The following PPP1R36 variants were observed in gnomAD, a reference collection of about 807,000 sequenced individuals.
The protein encoded by PPP1R36 is protein phosphatase 1 regulatory subunit 36, also known as chromosome 14 open reading frame 50.
PPP1R36 carries 47 observed loss-of-function variants against 53.4 expected under a neutral mutation model. That is an observed-to-expected ratio of 0.88 (90% CI 0.70 to 1.12). PPP1R36 has a LOEUF of 1.12. Among genes scored for constraint, PPP1R36 ranks in the 50% most tolerant of loss-of-function variants. The probability of loss-of-function intolerance (pLI) is 0.00; values close to 1 mark genes in which losing one functional copy is unlikely to be tolerated. For synonymous variants in PPP1R36, 153 were observed against 170.5 expected, an observed-to-expected ratio of 0.90 and a Z score of 0.80; for missense variants, 456 against 513.9, an observed-to-expected ratio of 0.89 and a Z score of 1.09.
intron 8 of PPP1R36, among the ~76,000 whole-genome samples, chr14:64,580,058 G>T (rs1022716327): frequency 1.3e-5 from 2 of 152,214 alleles, no homozygotes; most frequent in African/African-American, 4.8e-5. Context: ...CCAGCACTTT[G>T]GGAGACTGAG....
At chr14:64,583,799 G>C (rs990092360) in intron 8 of PPP1R36, among the ~76,000 whole-genome samples, 1 of 96,168 alleles carries the variant, frequency 1.0e-5, no homozygotes, top group Non-Finnish European at 1.9e-5. Context: ...AGACAAGAGT[G>C]AAACTCCATC....
intron 3 of PPP1R36, among the ~76,000 whole-genome samples, chr14:64,563,267 G>A (rs1275064496): frequency 6.6e-6 from 1 of 152,080 alleles, no homozygotes; most frequent in Non-Finnish European, 1.5e-5. Context: ...CACTTTCTGG[G>A]CTCAGGCAAT....
intron 7 of PPP1R36, 89 bp from the exon 8 acceptor site, chr14:64,574,366 G>T: frequency 7.4e-7 from 1 of 1,342,928 alleles, no homozygotes; most frequent in African/African-American, 1.5e-5. Context: ...AAGAAAAGAA[G>T]AAAAGTTTAT....
At chr14:64,588,366 G>T in intron 11 of PPP1R36, 71 bp downstream of exon 11, 1 of 1,375,898 alleles carries the variant, frequency 7.3e-7, no homozygotes, top group Non-Finnish European at 9.9e-7. Flanking sequence ...AGGGGCAGGG[G>T]CCCAGGCACC....
At position 64,568,410 on chromosome 14, in the gene PPP1R36, A is replaced by G. The variant is rs902900712; in HGVS notation, c.496A>G (p.Lys166Glu). Residue 166 changes from lysine (K) to glutamate (E), a missense_variant, in exon 7 of 12, where the codon AAA becomes GAA. By Grantham distance (56) the Lys-to-Glu change is moderately conservative. Transcript: ENST00000298705. ...GTACTACTTATCCCATTACTTGGAA[A>G]AAAACTCACTGGAAAAGAAACCCAA... ...LLYYLSHYLE[K>E]NSLEKKPKSY... is the part of the protein sequence containing the mutation. The G allele has an allele frequency of 3.2e-6, 5 of 1,565,564 alleles. No individual in the cohort carries two copies. The highest frequency in any genetic ancestry group is 1.2e-5 in the South Asian group (1 of 85,912).
At chr14:64,551,406 AC>A (rs1438263760) in intron 2 of PPP1R36, among the ~76,000 whole-genome samples, 1 of 152,230 alleles carries the variant, frequency 6.6e-6, no homozygotes, top group Non-Finnish European at 1.5e-5. Flanking sequence ...ATTAATGGGA[AC>A]ATATTATATC....
chr14:64,581,607 T>G (rs2080390579), intron 8 of PPP1R36, among the ~76,000 whole-genome samples: 1 of 142,790 alleles, frequency 7.0e-6, no homozygotes, highest in African/African-American at 2.6e-5. Flanking sequence ...ACTCAAGGCT[T>G]CCCTTTATTT....
chr14:64,574,370 A>G, intron 7 of PPP1R36, 85 bp from the exon 8 acceptor site: 1 of 1,358,930 alleles, frequency 7.4e-7, no homozygotes, highest in South Asian at 1.4e-5. Flanking sequence ...AAAGAAGAAA[A>G]GTTTATAATT....
intron 8 of PPP1R36, among the ~76,000 whole-genome samples, chr14:64,577,877 C>T (rs1283414990): frequency 6.6e-6 from 1 of 151,752 alleles, no homozygotes; most frequent in Non-Finnish European, 1.5e-5. Flanking sequence ...AGGCGCCCGC[C>T]ACCACGCCCG....
Position 64,587,247 on chromosome 14 carries a change from C to T in PPP1R36, c.765C>T (p.His255=). The T allele has an allele frequency of 6.2e-7, 1 of 1,613,552 alleles. No homozygotes were observed. Among genetic ancestry groups the T allele is most frequent in the Non-Finnish European group, 8.5e-7 (1 of 1,179,596 alleles). Residue 255 remains histidine (H), a synonymous_variant, in exon 10 of 12, where the codon CAC becomes CAT. Transcript: ENST00000298705. ...CTTGGATTGTCTTCCGACGTCAACA[C>T]TTGACAGAGATTGAAGAAGAAGTAG... ...YVAWIVFRRQ[H]LTEIEEEVGR...
In PPP1R36 at chr14:64,574,551, C is replaced by T. The variant is rs2080328220; in HGVS notation, c.630C>T (p.Gly210=). Residue 210 remains glycine, a synonymous_variant, in exon 8 of 12, where the codon GGC becomes GGT. Coordinates refer to ENST00000298705, the MANE Select transcript of PPP1R36 (RefSeq NM_172365.3). ...LAQKYCILVL[G]LAVPDKHHMC... is the part of the protein sequence containing the mutation. ...AGAAGTACTGTATCCTTGTGCTGGG[C>T]TTGGCCGTGCCGGATAAGCATCACA... 1 of 1,613,882 alleles carries T rather than the reference C, an allele frequency of 6.2e-7. No homozygotes were observed. The highest frequency in any genetic ancestry group is 1.3e-5 in the African/African-American group (1 of 75,012).
intron 10 of PPP1R36, 129 bp from the exon 11 acceptor site, chr14:64,587,975 C>T (rs2080449495): frequency 5.8e-6 from 5 of 867,606 alleles, no homozygotes; most frequent in Admixed American, 5.1e-5. Context: ...AACTCCTGGG[C>T]TCAAGTGATC....
At position 64,588,248 on chromosome 14, in the gene PPP1R36, C is replaced by T. The variant is rs116953714; in HGVS notation, c.1035C>T (p.Ala345=). 55,876 of 1,613,794 alleles carry T rather than the reference C, an allele frequency of 0.035. 1,122 individuals carry two copies. Among genetic ancestry groups the T allele is most frequent in the African/African-American group, 0.058 (4,315 of 75,022 alleles). ...ATCAAGTAGACGTCAGATTCCCAGC[C>T]GAGATGCAAAAGCATGTGGGAACTC... ...KYHQVDVRFP[A]EMQKHVGTLD... Residue 345 remains alanine, a synonymous_variant, in exon 11 of 12, where the codon GCC becomes GCT. Coordinates refer to ENST00000298705, the MANE Select transcript of PPP1R36 (RefSeq NM_172365.3).
At chr14:64,588,495 C>A in intron 11 of PPP1R36, 200 bp downstream of exon 11, 2 of 412,624 alleles carry the variant, frequency 4.8e-6, no homozygotes, top group Non-Finnish European at 4.3e-6. Flanking sequence ...ACCAGAAAAA[C>A]AATTGCTAGA....
At position 64,549,978 on chromosome 14, in the gene PPP1R36, A is replaced by C; in HGVS notation, c.-20A>C. Reference sequence around the variant, plus strand: ...CGGGCGGTATCCTCGGCGACGCCGTATGGCTTCCAGGGCGAGGCCATGTAC... The same window carrying C: ...CGGGCGGTATCCTCGGCGACGCCGTCTGGCTTCCAGGGCGAGGCCATGTAC... On this transcript the variant is annotated 5_prime_UTR_variant, in exon 1 of 12. The change abolishes an upstream ATG in the 5' untranslated region. Coordinates refer to ENST00000298705, the MANE Select transcript of PPP1R36 (RefSeq NM_172365.3). 6.4e-7 allele frequency: 1 copy of C among 1,556,944 alleles called. No homozygotes were observed. Among genetic ancestry groups the C allele is most frequent in the Non-Finnish European group, 8.7e-7 (1 of 1,150,022 alleles).
chr14:64,560,227 G>A (rs1237179692), intron 3 of PPP1R36, among the ~76,000 whole-genome samples: 1 of 149,756 alleles, frequency 6.7e-6, no homozygotes, highest in East Asian at 2.0e-4. Context: ...GATGGCCTAA[G>A]CTCAAGAGTT....
chr14:64,561,958 G>T (rs2080208805), intron 3 of PPP1R36: 1 of 373,138 alleles, frequency 2.7e-6, no homozygotes, highest in African/African-American at 2.1e-5. Flanking sequence ...AGCCAAGAGT[G>T]GTCCAGCCCT....
chr14:64,566,574 C>T (rs1302835648), intron 6 of PPP1R36, among the ~76,000 whole-genome samples: 1 of 152,172 alleles, frequency 6.6e-6, no homozygotes, highest in East Asian at 1.9e-4. Flanking sequence ...CCTCAGTCTC[C>T]TCAGCTACAA....
intron 3 of PPP1R36, chr14:64,562,116 T>C (rs768266421): frequency 2.7e-5 from 5 of 188,560 alleles, no homozygotes; most frequent in Non-Finnish European, 4.4e-5. Flanking sequence ...ATAGGCTAGC[T>C]AGCCCAGACC....
Sources: allele counts gnomAD v4.1 joint callset (sites outside exome capture counted in the v4.1 genomes callset), GRCh38; gene constraint gnomAD v4.1.1; transcripts MANE v1.5; gene names NCBI Gene and HGNC (gene_info 2026-07-23, HGNC 2026-07-21).